ZNF426: variants seen among roughly 807,000 people sequenced by gnomAD.
ZNF426 encodes zinc finger protein 426.
ZNF426 carries 23 observed loss-of-function variants against 24.0 expected under a neutral mutation model. The observed-to-expected ratio is 0.96, with a 90% CI of 0.69 to 1.36. The LOEUF is 1.36. Among genes scored for constraint, ZNF426 ranks in the 40% most tolerant of loss-of-function variants. ZNF426 has a pLI of 0.00. For synonymous variants in ZNF426, 272 were observed against 224.6 expected (o/e 1.21, Z -1.89); for missense variants, 646 against 658.4 (o/e 0.98, Z 0.21).
chr19:9,534,038 G>T, intron 4 of ZNF426, 72 bp from the exon 5 acceptor site: 1 of 1,573,688 alleles, frequency 6.4e-7, no homozygotes, highest in Non-Finnish European at 8.6e-7. Context: ...GATGAGGAAG[G>T]GGGACCCAAT....
intron 5 of ZNF426, 92 bp downstream of exon 5, chr19:9,533,748 G>C: frequency 5.9e-6 from 9 of 1,530,718 alleles, no homozygotes; most frequent in Non-Finnish European, 8.1e-6. Context: ...ATTTCTCTTT[G>C]CATTCAGAGT....
chr19:9,533,291 CA>C (rs5827064), intron 5 of ZNF426, among the ~76,000 whole-genome samples: 92,813 of 137,114 alleles, frequency 0.68, 29,998 homozygotes, highest in African/African-American at 0.76. Context: ...TCTAAAAATA[CA>C]AAAAAAAAAA....
At chr19:9,536,152 A>T in intron 3 of ZNF426, 56 bp downstream of exon 3, 1 of 1,608,246 alleles carries the variant, frequency 6.2e-7, no homozygotes, top group South Asian at 1.1e-5. Flanking sequence ...ACTAGACCCT[A>T]TATTGTGTAA....
In ZNF426 at chr19:9,527,404, T is replaced by C. The variant is rs2073806015; in HGVS notation, c.*976A>G. 6.6e-6 allele frequency: 1 copy of C among 152,260 alleles called. No homozygotes were observed. The highest frequency in any genetic ancestry group is 1.5e-5 in the Non-Finnish European group (1 of 68,048). 9.4% of individuals were successfully genotyped at this position (152,260 alleles called of 1,614,324 possible). A position where few individuals can be genotyped will look rare whatever the true frequency, so the allele number is the denominator to read the frequency against. ...GTGTATGGGGTCACATTCCTTGCGT[T>C]CACAGTAAAAGAAACTTTCTTTCCT... On this transcript the variant is annotated 3_prime_UTR_variant, in exon 8 of 8. Transcript: ENST00000253115.
At position 9,528,703 on chromosome 19, in the gene ZNF426, ATGGTTTC is replaced by A; in HGVS notation, c.1335_1341del (p.Gln445HisfsTer115). 1 of 1,614,142 alleles carries A rather than the reference ATGGTTTC, an allele frequency of 6.2e-7. No homozygotes were observed. Reference sequence around the variant, plus strand: ...GCCTTCCCACATTCCTTACAGGTGTATGGTTTCTGGGCACTGTGCGTTCGCATGTGAT... The same window carrying A: ...GCCTTCCCACATTCCTTACAGGTGTATGGGCACTGTGCGTTCGCATGTGAT... On this transcript the variant is annotated frameshift_variant, in exon 8 of 8. Coordinates refer to ENST00000253115, the MANE Select transcript of ZNF426 (RefSeq NM_024106.3). LOFTEE classifies it low-confidence loss of function (END_TRUNC).
chr19:9,528,657 A>T lies in ZNF426; in HGVS notation c.1388T>A (p.Leu463His), dbSNP rs1163570764. Residue 463 changes from leucine to histidine, a missense_variant, in exon 8 of 8, where the codon CTT becomes CAT. By Grantham distance (99) the Leu-to-His change is moderately conservative (BLOSUM62 -3). Transcript: ENST00000253115. ...AGTGTGGATTCGCATGTGAATTTTAAGGTGGGTGGAATAGTTAAAAGCCTT... is the reference window on the plus strand; with the variant it reads ...AGTGTGGATTCGCATGTGAATTTTATGGTGGGTGGAATAGTTAAAAGCCTT... ...CGKAFNYSTH[L>H]KIHMRIHTGE... 6.2e-7 allele frequency: 1 copy of T among 1,614,132 alleles called. No individual in the cohort carries two copies. The highest frequency in any genetic ancestry group is 8.5e-7 in the Non-Finnish European group (1 of 1,179,990).
rs777705111 is a variant in ZNF426 at position 9,528,412 on chromosome 19, G to A, written c.1633C>T (p.Arg545Cys). ...ATTTGTTCATGTCTTCGAAGTGAAC[G>A]GGGATGACTGTAAGCTTTCCCGCAT... ...QQCGKAYSHP[R>C]SLRRHEQIH Residue 545 changes from arginine (R) to cysteine (C), a missense_variant, in exon 8 of 8, where the codon CGT (arginine) becomes TGT (cysteine). Arg to Cys is a radical substitution (Grantham distance 180). Transcript: ENST00000253115. 8.1e-6 allele frequency: 13 copies of A among 1,601,642 alleles called. No individual in the cohort carries two copies. Among genetic ancestry groups the A allele is most frequent in the East Asian group, 2.2e-5 (1 of 44,806 alleles).
chr19:9,524,458 T>C lies in ZNF426; in HGVS notation c.*3922A>G, dbSNP rs2073771593. On this transcript the variant is annotated 3_prime_UTR_variant, in exon 8 of 8. Transcript: ENST00000253115. ...TGATAAGATTTCTCTCCAGTGTGAG[T>C]TCTTTAATGACATGGAAAGGGACTG... is the stretch of plus-strand genomic sequence containing the variant. The C allele has an allele frequency of 6.6e-6, 1 of 152,076 alleles. No homozygotes were observed. The highest frequency in any genetic ancestry group is 1.5e-5 in the Non-Finnish European group (1 of 68,030). The allele number at this position is 152,076 out of a possible 1,614,324, so 9.4% of individuals were successfully genotyped here.
chr19:9,529,608 C>T lies in ZNF426; in HGVS notation c.437G>A (p.Cys146Tyr), dbSNP rs140695425. 3.5e-5 allele frequency: 56 copies of T among 1,598,696 alleles called. No individual in the cohort carries two copies. The highest frequency in any genetic ancestry group is 4.1e-5 in the Non-Finnish European group (48 of 1,178,076). The change falls in exon 8 of 8, where the codon TGT becomes TAT. Residue 146 changes from cysteine (C) to tyrosine (Y), a missense_variant. Coordinates refer to ENST00000253115, the MANE Select transcript of ZNF426 (RefSeq NM_024106.3). ...LEGKHNGREL[C>Y]DCEQCGEVFS... ...GACTTCTCCACATTGCTCACAGTCA[C>T]AGAGTTCCCTTCCATTGTGTTTTCC...
chr19:9,532,997 C>G, intron 5 of ZNF426, 72 bp from the exon 6 acceptor site: 1 of 1,254,240 alleles, frequency 8.0e-7, no homozygotes, highest in Non-Finnish European at 1.2e-6. Context: ...GATTCAGGAA[C>G]TACAGATCTA....
intron 2 of ZNF426, among the ~76,000 whole-genome samples, chr19:9,537,812 G>T (rs115693055): frequency 6.6e-6 from 1 of 151,898 alleles, no homozygotes; most frequent in Non-Finnish European, 1.5e-5. Context: ...CACCACGCTC[G>T]GCTAATTTTT....
intron 7 of ZNF426, 57 bp downstream of exon 7, chr19:9,530,928 A>G (rs1347557623): frequency 1.4e-6 from 2 of 1,432,306 alleles, no homozygotes; most frequent in Admixed American, 3.4e-5. Flanking sequence ...TTCCCATAAC[A>G]GAATTCCTGA....
intron 7 of ZNF426, among the ~76,000 whole-genome samples, chr19:9,530,085 C>T (rs2073859796): frequency 6.6e-6 from 1 of 152,132 alleles, no homozygotes; most frequent in Non-Finnish European, 1.5e-5. Flanking sequence ...CACACCACTG[C>T]ACTCTAGCCT....
chr19:9,535,176 G>C lies in ZNF426; in HGVS notation c.117+12C>G. On this transcript the variant is annotated intron_variant, in intron 4 of 7. Coordinates refer to ENST00000253115, the MANE Select transcript of ZNF426 (RefSeq NM_024106.3). ...GTATGTCACTATGTATAAGAATACA[G>C]CTGCTTTTTACCTGATAACAATCTG... The C allele has an allele frequency of 6.2e-7, 1 of 1,607,398 alleles. No individual in the cohort carries two copies. The highest frequency in any genetic ancestry group is 2.2e-5 in the East Asian group (1 of 44,518).
chr19:9,535,143 G>A, intron 4 of ZNF426, 45 bp downstream of exon 4: 1 of 1,456,248 alleles, frequency 6.9e-7, no homozygotes, highest in African/African-American at 1.4e-5. Flanking sequence ...TCTACCTGGT[G>A]GATGCAAGTA....
chr19:9,535,518 T>A (rs2073952840), intron 3 of ZNF426, among the ~76,000 whole-genome samples: 1 of 151,830 alleles, frequency 6.6e-6, no homozygotes. Flanking sequence ...TGAGACCCCG[T>A]CTCTACAAAA....
intron 5 of ZNF426, 141 bp downstream of exon 5, chr19:9,533,699 A>G: frequency 8.7e-7 from 1 of 1,153,338 alleles, no homozygotes; most frequent in Non-Finnish European, 1.2e-6. Flanking sequence ...TGGTCACAGT[A>G]GATTAAAATC....
At position 9,529,379 on chromosome 19, in the gene ZNF426, C is replaced by T; in HGVS notation, c.666G>A (p.Lys222=). The change falls in exon 8 of 8, where the codon AAG becomes AAA. Residue 222 remains lysine (K), a synonymous_variant. Coordinates refer to ENST00000253115, the MANE Select transcript of ZNF426 (RefSeq NM_024106.3). ...TTCCACAGTGACTACATTCAAATGACTTTTCTTGTGTGCTAGTTCTCTGGT... is the reference window on the plus strand; with the variant it reads ...TTCCACAGTGACTACATTCAAATGATTTTTCTTGTGTGCTAGTTCTCTGGT... ...IVYQRTSTQE[K]SFECSHCGKS... 1.9e-6 allele frequency: 3 copies of T among 1,614,158 alleles called. No individual in the cohort carries two copies. Among genetic ancestry groups the T allele is most frequent in the Non-Finnish European group, 2.5e-6 (3 of 1,180,022 alleles).
Position 9,524,098 on chromosome 19 carries a change from C to T in ZNF426, c.*4282G>A, listed in dbSNP as rs67961470. ...TGGCAGGCAAGGGCTTTCCCACATT[C>T]CTTACATCAATATGGCTTCTCTCCA... is the stretch of plus-strand genomic sequence containing the variant. On this transcript the variant is annotated 3_prime_UTR_variant, in exon 8 of 8. Transcript: ENST00000253115. The T allele has an allele frequency of 0.17, 26,386 of 154,088 alleles. 3,638 individuals carry two copies. Among genetic ancestry groups the T allele is most frequent in the African/African-American group, 0.38 (15,805 of 41,486 alleles). 9.5% of individuals were successfully genotyped at this position (154,088 alleles called of 1,614,324 possible). A position where few individuals can be genotyped will look rare whatever the true frequency, so the allele number is the denominator to read the frequency against.
Sources: gnomAD v4.1 joint callset for allele counts (sites outside exome capture counted in the v4.1 genomes callset) on GRCh38, gnomAD v4.1.1 for gene constraint, MANE v1.5 for transcripts, NCBI Gene and HGNC (gene_info 2026-07-23, HGNC 2026-07-21) for gene names.